Variants in TCF3 observed in about 807,000 individuals in gnomAD.
TCF3 encodes the protein transcription factor E2-alpha.
In TCF3, 54 loss-of-function variants were observed where a neutral mutation model predicts 72.3. That is an observed-to-expected ratio of 0.75 (90% CI 0.60 to 0.94). The LOEUF is 0.94. TCF3 is among the 40% of genes least tolerant of loss of function. The pLI is 0.00. For synonymous variants in TCF3, 525 were observed against 412.6 expected (o/e 1.27, Z -3.30); for missense variants, 1,078 against 934.4 (o/e 1.15, Z -2.00).
At chr19:1,648,673 G>T (rs375925476) in intron 2 of TCF3, among the ~76,000 whole-genome samples, 13 of 152,140 alleles carry the variant, frequency 8.5e-5, no homozygotes, top group Admixed American at 2.6e-4. Flanking sequence ...GTTTTTTTCC[G>T]CAGGGTGGCC....
intron 1 of TCF3, among the ~76,000 whole-genome samples, chr19:1,651,868 G>A (rs1432664486): frequency 7.4e-5 from 11 of 149,126 alleles, no homozygotes; most frequent in Admixed American, 6.6e-5. Context: ...GCAGACAAAA[G>A]GACGTCCCTC....
At chr19:1,625,765 T>C (rs1599683698) in intron 6 of TCF3, 57 bp from the exon 7 acceptor site, 2 of 1,435,852 alleles carry the variant, frequency 1.4e-6, no homozygotes, top group Non-Finnish European at 1.8e-6. Context: ...CCCAGGCTGT[T>C]CCATTCAAGA....
intron 8 of TCF3, 99 bp from the exon 9 acceptor site, chr19:1,622,514 T>G (rs2062369625): frequency 9.6e-6 from 6 of 625,390 alleles, no homozygotes; most frequent in Non-Finnish European, 1.6e-5. Flanking sequence ...GTAGCACATC[T>G]ACCACCCCGT....
chr19:1,649,408 A>AC (rs1415914330), intron 2 of TCF3, among the ~76,000 whole-genome samples: 1 of 147,856 alleles, frequency 6.8e-6, no homozygotes, highest in Non-Finnish European at 1.5e-5. Context: ...AGCACTGGGC[A>AC]CCCCCTCCTT....
intron 13 of TCF3, 26 bp from the exon 14 acceptor site, chr19:1,619,879 G>GGGTGCGA: frequency 2.6e-6 from 4 of 1,549,882 alleles, no homozygotes; most frequent in Non-Finnish European, 2.6e-6. Flanking sequence ...GACGTGAATG[G>GGGTGCGA]GGTGCGAGGG....
At chr19:1,622,253 C>T (rs759524453) in intron 9 of TCF3, 30 bp from the exon 10 acceptor site, 42 of 1,513,672 alleles carry the variant, frequency 2.8e-5, no homozygotes, top group South Asian at 7.7e-5. Flanking sequence ...AGGTGGGGGC[C>T]GAGTGGGGAA....
In TCF3 at chr19:1,619,410, G is replaced by A. The variant is rs370832461; in HGVS notation, c.1232C>T (p.Thr411Ile). 9.7e-5 allele frequency: 155 copies of A among 1,592,876 alleles called. No homozygotes were observed. Among genetic ancestry groups the A allele is most frequent in the Non-Finnish European group, 1.1e-4 (124 of 1,176,524 alleles). Reference sequence around the variant, plus strand: ...CAGCAGCGTGTGCATGTCGCCGGCTGTGCCCACGGCGTGGCTGCGGAGCAC... The same window carrying A: ...CAGCAGCGTGTGCATGTCGCCGGCTATGCCCACGGCGTGGCTGCGGAGCAC... ...IHVLRSHAVG[T>I]AGDMHTLLPG... is the part of the protein sequence containing the mutation. The change falls in exon 15 of 19, where the codon ACA becomes ATA. Residue 411 changes from threonine (T) to isoleucine (I), a missense_variant. Thr to Ile is a moderately conservative substitution (Grantham distance 89). Transcript: ENST00000262965.
At chr19:1,640,949 G>C (rs560475135) in intron 3 of TCF3, among the ~76,000 whole-genome samples, 1 of 152,330 alleles carries the variant, frequency 6.6e-6, no homozygotes, top group Admixed American at 6.5e-5. Flanking sequence ...AGGAGTTTGA[G>C]ACCAGCCTGG....
chr19:1,631,578 A>G (rs2063720489), intron 5 of TCF3, among the ~76,000 whole-genome samples: 1 of 151,702 alleles, frequency 6.6e-6, no homozygotes, highest in Non-Finnish European at 1.5e-5. Context: ...CTGAGTCACG[A>G]TTCTCTCGGT....
intron 11 of TCF3, 99 bp from the exon 12 acceptor site, chr19:1,621,290 C>A: frequency 1.5e-6 from 2 of 1,373,890 alleles, no homozygotes; most frequent in East Asian, 2.6e-5. Context: ...GACACTGCTG[C>A]GCCAGGGAGA....
chr19:1,632,950 C>A (rs1201679082), intron 3 of TCF3, among the ~76,000 whole-genome samples: 1 of 152,244 alleles, frequency 6.6e-6, no homozygotes, highest in Admixed American at 6.5e-5. Flanking sequence ...CAGAGGCTCA[C>A]CCATCGGGCA....
chr19:1,616,820 C>G (rs1206107096), intron 16 of TCF3, among the ~76,000 whole-genome samples: 1 of 152,102 alleles, frequency 6.6e-6, no homozygotes, highest in African/African-American at 2.4e-5. Context: ...TGGACTATAT[C>G]AGAATTGAGA....
intron 3 of TCF3, among the ~76,000 whole-genome samples, chr19:1,639,029 C>T (rs571167732): frequency 1.6e-4 from 24 of 152,300 alleles, no homozygotes; most frequent in African/African-American, 5.1e-4. Flanking sequence ...ACCTTCATAT[C>T]GAAGTTTCAA....
At chr19:1,645,608 C>T (rs1411937017) in intron 3 of TCF3, among the ~76,000 whole-genome samples, 1 of 152,230 alleles carries the variant, frequency 6.6e-6, no homozygotes, top group African/African-American at 2.4e-5. Context: ...ACGCCCTCTG[C>T]GGAGACCTTC....
intron 11 of TCF3, among the ~76,000 whole-genome samples, chr19:1,621,535 G>A (rs1284079703): frequency 6.6e-6 from 1 of 151,310 alleles, no homozygotes; most frequent in Non-Finnish European, 1.5e-5. Context: ...GGGTGGGTGA[G>A]TCCCTCTCTG....
intron 18 of TCF3, among the ~76,000 whole-genome samples, chr19:1,613,610 G>C (rs971692643): frequency 3.3e-5 from 5 of 152,102 alleles, no homozygotes; most frequent in Non-Finnish European, 4.4e-5. Flanking sequence ...TTGAAGACAC[G>C]GGCTCAGCAG....
intron 18 of TCF3, among the ~76,000 whole-genome samples, chr19:1,613,860 A>G (rs2061284657): frequency 6.6e-6 from 1 of 152,220 alleles, no homozygotes; most frequent in Non-Finnish European, 1.5e-5. Flanking sequence ...TGTCACTGCC[A>G]CCGTGAATGG....
rs2061503232 is a variant in TCF3, at chr19:1,615,880, C to G, written c.1451-59G>C. 2.0e-6 allele frequency: 3 copies of G among 1,491,856 alleles called. No homozygotes were observed. Among genetic ancestry groups the G allele is most frequent in the East Asian group, 2.3e-5 (1 of 43,332 alleles). 92.4% of individuals were successfully genotyped at this position (1,491,856 alleles called of 1,614,324 possible). ...GCCTCCAGGGCCAACTGACATATCT[C>G]TTTGTGCTCCTGTGGTGAGGGACTT... is the stretch of plus-strand genomic sequence containing the variant. On this transcript the variant is annotated intron_variant, in intron 16 of 18. Coordinates refer to ENST00000262965, the MANE Select transcript of TCF3 (RefSeq NM_003200.5). This position sits in a 1 kb window ranked among gnomAD's most constrained non-coding sequence, Gnocchi z 7.3.
chr19:1,621,714 A>C (rs1263408004), intron 11 of TCF3, 124 bp downstream of exon 11: 8 of 1,298,478 alleles, frequency 6.2e-6, no homozygotes, highest in Non-Finnish European at 8.2e-6. Flanking sequence ...AACTGACAAC[A>C]ACCCGCTCTC....
Sources: allele counts gnomAD v4.1 joint callset (sites outside exome capture counted in the v4.1 genomes callset), GRCh38; gene constraint gnomAD v4.1.1; non-coding constraint Gnocchi (gnomAD v3.1); transcripts MANE v1.5; gene names NCBI Gene and HGNC (gene_info 2026-07-23, HGNC 2026-07-21).